TNNI3K: variants seen among roughly 807,000 people sequenced by gnomAD.
TNNI3K encodes the protein serine/threonine-protein kinase TNNI3K.
TNNI3K carries 140 observed loss-of-function variants against 114.5 expected under a neutral mutation model. The ratio of observed to expected loss-of-function variants is 1.22; its 90% CI spans 1.07 to 1.41. The LOEUF (loss-of-function observed/expected upper bound fraction) is 1.41. TNNI3K is among the 40% of genes most tolerant of loss of function. The pLI, the probability that TNNI3K is intolerant of heterozygous loss-of-function variation, is 0.00. For synonymous variants in TNNI3K, 347 were observed against 347.5 expected (o/e 1.00, Z 0.02); for missense variants, 1,125 against 1,007.6 (o/e 1.12, Z -1.58).
chr1:74,281,369 A>G (rs79572513), intron 5 of TNNI3K, among the ~76,000 whole-genome samples: 1 of 97,292 alleles, frequency 1.0e-5, no homozygotes, highest in African/African-American at 3.7e-5. Flanking sequence ...TGTAATGTCA[A>G]TATATGTCAA....
At chr1:74,439,400 C>T in intron 19 of TNNI3K, 90 bp from the exon 20 acceptor site, 1 of 1,530,474 alleles carries the variant, frequency 6.5e-7, no homozygotes, top group Non-Finnish European at 8.8e-7. Flanking sequence ...ATCGGGAGAA[C>T]ACAGTAAATT....
At position 74,439,634 on chromosome 1, in the gene TNNI3K, T is replaced by C; in HGVS notation, c.2011+12T>C. 6.2e-7 allele frequency: 1 copy of C among 1,611,530 alleles called. No individual in the cohort carries two copies. Among genetic ancestry groups the C allele is most frequent in the Non-Finnish European group, 8.5e-7 (1 of 1,179,078 alleles). On this transcript the variant is annotated intron_variant, in intron 20 of 24. Transcript: ENST00000326637. ...TCATCTCAAGCCAGGTAAGACACAC[T>C]GCAATTGAAGTTTTCCTGTTTTACA...
intron 17 of TNNI3K, among the ~76,000 whole-genome samples, chr1:74,395,726 C>T (rs945722478): frequency 3.9e-5 from 6 of 152,048 alleles, no homozygotes; most frequent in South Asian, 4.2e-4. Context: ...ACCTCCAGTG[C>T]GGGGGCTGAG....
intron 23 of TNNI3K, among the ~76,000 whole-genome samples, chr1:74,509,998 C>T (rs1457654431): frequency 6.6e-6 from 1 of 152,054 alleles, no homozygotes; most frequent in East Asian, 1.9e-4. Context: ...AAGCGATCTG[C>T]TTGCTTTCCA....
chr1:74,279,288 A>T (rs1656863257), intron 5 of TNNI3K, among the ~76,000 whole-genome samples: 1 of 152,150 alleles, frequency 6.6e-6, no homozygotes, highest in Non-Finnish European at 1.5e-5. Flanking sequence ...GGCAGTTATG[A>T]CTCTGTAAAA....
intron 17 of TNNI3K, among the ~76,000 whole-genome samples, chr1:74,422,216 A>C (rs546895701): frequency 4.6e-5 from 7 of 151,850 alleles, no homozygotes; most frequent in Non-Finnish European, 8.8e-5. Context: ...CCTTTACCGG[A>C]AATAAAGTGA....
intron 20 of TNNI3K, among the ~76,000 whole-genome samples, chr1:74,441,669 T>C (rs1666380073): frequency 6.6e-6 from 1 of 152,170 alleles, no homozygotes; most frequent in South Asian, 2.1e-4. Flanking sequence ...TTTTTAAATA[T>C]ATATGTATAT....
At chr1:74,426,809 T>A (rs1196113063) in intron 17 of TNNI3K, among the ~76,000 whole-genome samples, 1 of 152,096 alleles carries the variant, frequency 6.6e-6, no homozygotes, top group South Asian at 2.1e-4. Context: ...AAGAATCCGG[T>A]GACACTTCTG....
At chr1:74,402,366 T>C (rs1192258566) in intron 17 of TNNI3K, among the ~76,000 whole-genome samples, 1 of 152,202 alleles carries the variant, frequency 6.6e-6, no homozygotes, top group Non-Finnish European at 1.5e-5. Context: ...TATTATTAGC[T>C]GTGGATCTAC....
chr1:74,467,502 A>C (rs1022710754), intron 21 of TNNI3K, among the ~76,000 whole-genome samples: 1 of 151,840 alleles, frequency 6.6e-6, no homozygotes, highest in Non-Finnish European at 1.5e-5. Context: ...AGAGGTAGAA[A>C]AAAGCCTGAT....
At chr1:74,343,222 C>T in intron 9 of TNNI3K, 43 bp downstream of exon 9, 2 of 1,554,448 alleles carry the variant, frequency 1.3e-6, no homozygotes, top group South Asian at 1.2e-5. Flanking sequence ...ACTTAGCTGA[C>T]ACTCTAAAGC....
rs79667968 is a variant in TNNI3K, at chr1:74,497,474, A to G, written c.2351+5208A>G. 7.9e-3 allele frequency among the ~76,000 whole-genome samples: 1,208 copies of G among 152,084 alleles called. 17 individuals carry two copies. The highest frequency in any genetic ancestry group is 0.028 in the African/African-American group (1,148 of 41,478). On this transcript the variant is annotated intron_variant, in intron 23 of 24. Transcript: ENST00000326637. The stretch of plus-strand genomic sequence containing the variant: ...CAATTTCAGCACCTTGCTCATGACC[A>G]CTGTAAATGTTCTCAAACATTGCTT...
intron 17 of TNNI3K, among the ~76,000 whole-genome samples, chr1:74,432,836 T>C (rs1665959659): frequency 6.6e-6 from 1 of 152,032 alleles, no homozygotes; most frequent in Non-Finnish European, 1.5e-5. Flanking sequence ...ATGGTTGGTG[T>C]GAGAGTCAGC....
At chr1:74,371,696 A>G (rs912709858) in intron 17 of TNNI3K, 1 of 151,878 alleles carries the variant, frequency 6.6e-6, no homozygotes, top group African/African-American at 2.4e-5. Context: ...AAAAAGGTAT[A>G]GAAAAATAGA....
chr1:74,533,686 G>T lies in TNNI3K; in HGVS notation c.2352-6548G>T, dbSNP rs367565772. On this transcript the variant is annotated intron_variant, in intron 23 of 24. Transcript: ENST00000326637. Reference sequence around the variant, plus strand: ...CCAAATGTCCAACAATGATAGACTGGATTAAGAAAATGTGGCACATATACA... The same window carrying T: ...CCAAATGTCCAACAATGATAGACTGTATTAAGAAAATGTGGCACATATACA... Among the ~76,000 whole-genome samples, 1,215 of 149,548 alleles carry T rather than the reference G, an allele frequency of 8.1e-3. 18 individuals carry two copies. The highest frequency in any genetic ancestry group is 0.028 in the African/African-American group (1,112 of 40,202).
In TNNI3K at chr1:74,290,227, A is replaced by G. The variant is rs188885271; in HGVS notation, c.444+18519A>G. Among the ~76,000 whole-genome samples the G allele has an allele frequency of 3.3e-5, 5 of 150,006 alleles. No homozygotes were observed. The South Asian group carries it at 6.3e-4, about 19-fold the overall frequency. ...TTCTATATTTCTTTTTTTTTTTTCA[A>G]GAGAGCAAGTCTAAGTCCTCCCTGG... On this transcript the variant is annotated intron_variant, in intron 5 of 24. Coordinates refer to ENST00000326637, the MANE Select transcript of TNNI3K (RefSeq NM_015978.3).
chr1:74,319,960 G>A (rs1203887692), intron 5 of TNNI3K, among the ~76,000 whole-genome samples: 1 of 152,202 alleles, frequency 6.6e-6, no homozygotes, highest in East Asian at 1.9e-4. Context: ...GAGCAAGCCT[G>A]CATAGTGTGT....
At chr1:74,320,062 G>A (rs1659523848) in intron 5 of TNNI3K, among the ~76,000 whole-genome samples, 1 of 152,130 alleles carries the variant, frequency 6.6e-6, no homozygotes, top group South Asian at 2.1e-4. Flanking sequence ...GTTCATTTCT[G>A]TTTCTGAAGC....
chr1:74,258,832 G>A (rs1162923452), intron 4 of TNNI3K, among the ~76,000 whole-genome samples: 7 of 152,142 alleles, frequency 4.6e-5, no homozygotes, highest in African/African-American at 1.4e-4. Flanking sequence ...AGTAACATAC[G>A]TTTAAAATGA....
Sources: gnomAD v4.1 joint callset for allele counts (sites outside exome capture counted in the v4.1 genomes callset) on GRCh38, gnomAD v4.1.1 for gene constraint, MANE v1.5 for transcripts, NCBI Gene and HGNC (gene_info 2026-07-23, HGNC 2026-07-21) for gene names.